Variants in GRK4 observed in about 807,000 individuals in gnomAD.
GRK4 encodes the protein G protein-coupled receptor kinase 4.
GRK4 carries 73 observed loss-of-function variants against 77.9 expected under a neutral mutation model. The observed-to-expected ratio is 0.94, with a 90% CI of 0.78 to 1.14. The LOEUF (loss-of-function observed/expected upper bound fraction) is 1.14, where lower values mean the gene tolerates loss of function less well. GRK4 is among the 50% of genes most tolerant of loss of function. The pLI is 0.00. For missense variants in GRK4, 729 were observed against 700.2 expected (o/e 1.04, Z -0.46); for synonymous variants, 257 against 254.4 (o/e 1.01, Z -0.10).
At chr4:3,036,689 C>G (rs112633097) in intron 13 of GRK4, among the ~76,000 whole-genome samples, 1 of 152,208 alleles carries the variant, frequency 6.6e-6, no homozygotes, top group Non-Finnish European at 1.5e-5. Context: ...GAGCTGCAGA[C>G]CTGGGTTCCT....
At chr4:3,038,646 C>A in intron 15 of GRK4, 133 bp downstream of exon 15, 1 of 926,816 alleles carries the variant, frequency 1.1e-6, no homozygotes. Context: ...AGTCTGAGAG[C>A]CACATGGTGC....
intron 12 of GRK4, among the ~76,000 whole-genome samples, chr4:3,034,266 G>A (rs1162295755): frequency 1.3e-5 from 2 of 152,182 alleles, no homozygotes; most frequent in Non-Finnish European, 1.5e-5. Flanking sequence ...AGCTGAGAGC[G>A]GTGGGAGATA....
intron 1 of GRK4, among the ~76,000 whole-genome samples, chr4:2,975,527 G>A (rs140625541): frequency 1.2e-4 from 18 of 152,278 alleles, no homozygotes; most frequent in African/African-American, 3.6e-4. Flanking sequence ...GCCCTGTGCG[G>A]GTGGGGAACA....
intron 12 of GRK4, among the ~76,000 whole-genome samples, chr4:3,034,775 G>T (rs1161588405): frequency 6.6e-6 from 1 of 152,110 alleles, no homozygotes; most frequent in African/African-American, 2.4e-5. Flanking sequence ...ATTGACAACA[G>T]TTTCTGTTTC....
In GRK4 at chr4:3,004,156, A is replaced by G. The variant is rs139038868; in HGVS notation, c.340-75A>G. 1.0e-4 allele frequency: 108 copies of G among 1,058,280 alleles called. No individual in the cohort carries two copies. The Middle Eastern group carries it at 2.1e-3, about 20-fold the overall frequency. The allele number at this position is 1,058,280 out of a possible 1,614,324, so 65.6% of individuals were successfully genotyped here. A position where few individuals can be genotyped will look rare whatever the true frequency, so the allele number is the denominator to read the frequency against. On this transcript the variant is annotated intron_variant, in intron 4 of 15. Transcript: ENST00000398052. ...ACACTTTGTGTTTCATTTTTTTACA[A>G]TAAGCATTAGGTTCTGTTCACTAGT...
intron 10 of GRK4, 78 bp from the exon 11 acceptor site, chr4:3,027,826 TGAGGGGCC>T: frequency 9.5e-7 from 1 of 1,055,948 alleles, no homozygotes; most frequent in Non-Finnish European, 1.5e-6. Flanking sequence ...CCATGGTTTT[TGAGGGGCC>T]TTTTTTCCCA....
intron 1 of GRK4, among the ~76,000 whole-genome samples, chr4:2,983,679 A>AT (rs370527093): frequency 2.6e-5 from 4 of 151,862 alleles, no homozygotes; most frequent in African/African-American, 9.7e-5. Flanking sequence ...TATGATTAGC[A>AT]TTTTTTTCTT....
At position 2,974,303 on chromosome 4, in the gene GRK4, A is replaced by G. The variant is rs573476158; in HGVS notation, c.52+10181A>G. Among the ~76,000 whole-genome samples the G allele has an allele frequency of 9.0e-4, 137 of 152,256 alleles. 2 individuals are homozygous for G. The highest frequency in any genetic ancestry group is 2.9e-3 in the African/African-American group (120 of 41,544). On this transcript the variant is annotated intron_variant, in intron 1 of 15. Transcript: ENST00000398052. ...TTTTATTTGCTTTGTTCACTGCTGT[A>G]TTTTTCATGCCTAGAACAGTTCCTG...
chr4:3,016,162 C>A (rs1370433978), intron 8 of GRK4, among the ~76,000 whole-genome samples: 2 of 149,566 alleles, frequency 1.3e-5, no homozygotes, highest in African/African-American at 4.9e-5. Context: ...CCCACCTTGG[C>A]CTCCCAGAAT....
intron 7 of GRK4, among the ~76,000 whole-genome samples, chr4:3,013,262 G>A (rs1048763549): frequency 6.6e-6 from 1 of 151,932 alleles, no homozygotes; most frequent in Non-Finnish European, 1.5e-5. Flanking sequence ...ATGTTGGCCA[G>A]GTTGGTTTCG....
intron 10 of GRK4, among the ~76,000 whole-genome samples, chr4:3,025,682 C>A (rs35492582): frequency 6.6e-6 from 1 of 151,980 alleles, no homozygotes; most frequent in Non-Finnish European, 1.5e-5. Flanking sequence ...TTGAGCACCG[C>A]GCCCGGCCAG....
rs36001597 is a variant in GRK4, at chr4:2,986,354, C to CT, written c.148+1767dup. The stretch of plus-strand genomic sequence containing the variant: ...GTTCTTTATATATAAAAGGTGTTAT[C>CT]TTTTTTTTTTTTTTTTTTTTTGAGA... On this transcript the variant is annotated intron_variant, in intron 2 of 15. Coordinates refer to ENST00000398052, the MANE Select transcript of GRK4 (RefSeq NM_182982.3). Among the ~76,000 whole-genome samples the CT allele has an allele frequency of 8.8e-3, 644 of 73,262 alleles. 14 individuals are homozygous for CT. The highest frequency in any genetic ancestry group is 0.028 in the East Asian group (73 of 2,572). The allele number at this position is 73,262 out of a possible 152,430, so 48.1% of individuals were successfully genotyped here. A position where few individuals can be genotyped will look rare whatever the true frequency, so the allele number is the denominator to read the frequency against.
chr4:3,005,106 C>G (rs1280881968), intron 5 of GRK4, among the ~76,000 whole-genome samples: 6 of 151,598 alleles, frequency 4.0e-5, no homozygotes, highest in South Asian at 2.1e-4. Flanking sequence ...CAGGGCATTT[C>G]CAAGGAGAAT....
intron 8 of GRK4, among the ~76,000 whole-genome samples, chr4:3,016,034 G>A (rs908328975): frequency 2.0e-5 from 3 of 151,038 alleles, no homozygotes; most frequent in South Asian, 2.1e-4. Context: ...TCAGCCTCCC[G>A]AGTAGCTGGT....
intron 10 of GRK4, among the ~76,000 whole-genome samples, chr4:3,025,387 A>ATTTTTT (rs71180111): frequency 1.8e-5 from 2 of 112,226 alleles, no homozygotes; most frequent in African/African-American, 3.5e-5. Flanking sequence ...TAGCGATCTA[A>ATTTTTT]TTTTTTTTTT....
At chr4:3,001,962 G>T (rs1729947747) in intron 4 of GRK4, among the ~76,000 whole-genome samples, 1 of 152,152 alleles carries the variant, frequency 6.6e-6, no homozygotes, top group Non-Finnish European at 1.5e-5. Context: ...CAGTGGTTTT[G>T]TCATGTGTTT....
At chr4:3,009,590 T>C (rs913717754) in intron 6 of GRK4, 58 bp from the exon 7 acceptor site, 1 of 1,351,240 alleles carries the variant, frequency 7.4e-7, no homozygotes, top group East Asian at 2.3e-5. Context: ...AGTAAACTTT[T>C]CTTTTTTAAA....
intron 1 of GRK4, among the ~76,000 whole-genome samples, chr4:2,965,023 C>T (rs1717092450): frequency 6.6e-6 from 1 of 152,088 alleles, no homozygotes; most frequent in Admixed American, 6.5e-5. Context: ...AGGCCACCAG[C>T]TATGCAAGGC....
intron 1 of GRK4, among the ~76,000 whole-genome samples, chr4:2,975,622 C>A (rs188295500): frequency 4.2e-4 from 64 of 152,202 alleles, no homozygotes; most frequent in South Asian, 2.7e-3. Flanking sequence ...CTCCTTGAGC[C>A]GGCTAACATG....
Sources: allele counts gnomAD v4.1 joint callset (sites outside exome capture counted in the v4.1 genomes callset), GRCh38; gene constraint gnomAD v4.1.1; transcripts MANE v1.5; gene names NCBI Gene and HGNC (gene_info 2026-07-23, HGNC 2026-07-21).